Variants in PREX1 observed in about 807,000 individuals in gnomAD.
PREX1 encodes the protein phosphatidylinositol-3,4,5-trisphosphate dependent Rac exchange factor 1.
PREX1 carries 41 observed loss-of-function variants against 198.3 expected under a neutral mutation model. The observed-to-expected ratio is 0.21, with a 90% CI of 0.16 to 0.27. The LOEUF (loss-of-function observed/expected upper bound fraction) is 0.27, where lower values mean the gene tolerates loss of function less well. Ranked by LOEUF, PREX1 falls within the 10% of genes least tolerant of loss-of-function variation. PREX1 has a pLI of 1.00. For missense variants in PREX1, 1,620 were observed against 2,200.7 expected (o/e 0.74, Z 5.28); for synonymous variants, 843 against 887.2 (o/e 0.95, Z 0.89).
intron 1 of PREX1, among the ~76,000 whole-genome samples, chr20:48,810,068 G>A (rs2090427489): frequency 6.6e-6 from 1 of 152,202 alleles, no homozygotes; most frequent in Non-Finnish European, 1.5e-5. Context: ...AGGGAATGCT[G>A]TGCGCGGCTC....
rs551285237 is a variant in PREX1, at chr20:48,741,558, G to T, written c.414+3467C>A. Among the ~76,000 whole-genome samples, 4 of 152,252 alleles carry T rather than the reference G, an allele frequency of 2.6e-5. No homozygotes were observed. The East Asian group carries it at 7.7e-4, about 29-fold the overall frequency. ...GAACTATTTCTGATGCAGAGACAGA[G>T]CAGTGAACATGACAGAGTCCCTGTC... On this transcript the variant is annotated intron_variant, in intron 3 of 39. Coordinates refer to ENST00000371941, the MANE Select transcript of PREX1 (RefSeq NM_020820.4).
Position 48,700,784 on chromosome 20 carries a change from T to G in PREX1, c.886A>C (p.Asn296His). ...IQERAFFLFDNLLVYCKRKSR... is the reference protein window; with the variant it reads ...IQERAFFLFDHLLVYCKRKSR... Reference sequence around the variant, plus strand: ...TTCCGCTTGCAGTAGACGAGAAGGTTGTCGAAGAGGAAGAAGGCCCTTTCC... The same window carrying G: ...TTCCGCTTGCAGTAGACGAGAAGGTGGTCGAAGAGGAAGAAGGCCCTTTCC... Residue 296 changes from asparagine (N) to histidine (H), a missense_variant, in exon 7 of 40, where the codon AAC becomes CAC. Physicochemically the swap from Asn to His is moderately conservative, Grantham distance 68. Coordinates refer to ENST00000371941, the MANE Select transcript of PREX1 (RefSeq NM_020820.4). 6.2e-7 allele frequency: 1 copy of G among 1,613,702 alleles called. No individual in the cohort carries two copies. Among genetic ancestry groups the G allele is most frequent in the South Asian group, 1.1e-5 (1 of 91,056 alleles).
chr20:48,759,377 C>G (rs1474278285), intron 1 of PREX1, among the ~76,000 whole-genome samples: 1 of 151,864 alleles, frequency 6.6e-6, no homozygotes, highest in Non-Finnish European at 1.5e-5. Context: ...TAGTGAAACC[C>G]TGTCTCTACA....
intron 1 of PREX1, among the ~76,000 whole-genome samples, chr20:48,812,227 T>C (rs2090439361): frequency 6.6e-6 from 1 of 151,856 alleles, no homozygotes; most frequent in Non-Finnish European, 1.5e-5. Context: ...GAAAACTACC[T>C]AAATGCCCCA....
At chr20:48,870,976 A>C in the PREX1 span, among the ~76,000 whole-genome samples, 1 of 32,470 alleles carries the variant, frequency 3.1e-5, no homozygotes. Flanking sequence ...AAAAAAAAAA[A>C]AACCATATTT....
chr20:48,641,796 A>C (rs1032975625), intron 29 of PREX1, among the ~76,000 whole-genome samples: 3 of 148,772 alleles, frequency 2.0e-5, no homozygotes, highest in African/African-American at 7.5e-5. Flanking sequence ...TTTCTCCAAA[A>C]AACAAGAAAG....
intron 4 of PREX1, among the ~76,000 whole-genome samples, chr20:48,733,465 G>GTT (rs2090043483): frequency 6.6e-6 from 1 of 152,182 alleles, no homozygotes; most frequent in Admixed American, 6.5e-5. Context: ...ATGGGGAAAG[G>GTT]GAAGTTCTCT....
At chr20:48,753,214 G>A (rs918168402) in intron 1 of PREX1, among the ~76,000 whole-genome samples, 1 of 152,158 alleles carries the variant, frequency 6.6e-6, no homozygotes, top group Non-Finnish European at 1.5e-5. Context: ...TTAGAAGGAT[G>A]ATGAGTTTGC....
chr20:48,654,912 C>T (rs1046434207), intron 19 of PREX1, among the ~76,000 whole-genome samples: 7 of 152,204 alleles, frequency 4.6e-5, no homozygotes, highest in East Asian at 1.9e-4. Context: ...AGAAGTATTG[C>T]GGCAGAGCCC....
intron 3 of PREX1, among the ~76,000 whole-genome samples, chr20:48,744,242 G>C (rs532364327): frequency 6.6e-6 from 1 of 152,108 alleles, no homozygotes; most frequent in African/African-American, 2.4e-5. Context: ...TTGTCCCCTG[G>C]GGGCCAGAAT....
At chr20:48,832,212 T>G (rs548610878), upstream of PREX1, among the ~76,000 whole-genome samples, 3 of 152,110 alleles carry the variant, frequency 2.0e-5, no homozygotes, top group African/African-American at 7.2e-5. Flanking sequence ...TCCGTTGCCA[T>G]GTACTTTGCA....
At chr20:48,790,420 C>T (rs2090333061) in intron 1 of PREX1, among the ~76,000 whole-genome samples, 1 of 152,032 alleles carries the variant, frequency 6.6e-6, no homozygotes, top group Non-Finnish European at 1.5e-5. Flanking sequence ...TCCACTCTCC[C>T]CAGGCTCCAA....
At chr20:48,783,693 C>G (rs2122932754) in intron 1 of PREX1, among the ~76,000 whole-genome samples, 1 of 152,298 alleles carries the variant, frequency 6.6e-6, no homozygotes, top group Middle Eastern at 3.4e-3. Context: ...CAATCATACC[C>G]TGCCTGTCTC....
chr20:48,812,415 T>A (rs895454937), intron 1 of PREX1, among the ~76,000 whole-genome samples: 5 of 149,556 alleles, frequency 3.3e-5, no homozygotes, highest in Non-Finnish European at 7.4e-5. Context: ...GGGTAAATAA[T>A]GTAAGAGGAA....
intron 4 of PREX1, among the ~76,000 whole-genome samples, chr20:48,732,135 A>G (rs1183520839): frequency 6.6e-6 from 1 of 152,250 alleles, no homozygotes; most frequent in African/African-American, 2.4e-5. Context: ...TTTTATGAAT[A>G]TAAGTGCAAA....
chr20:48,676,120 T>A, intron 14 of PREX1, 73 bp downstream of exon 14: 1 of 1,459,374 alleles, frequency 6.9e-7, no homozygotes, highest in South Asian at 1.1e-5. Context: ...AAAAAATCTT[T>A]AAACAAAACA....
intron 1 of PREX1, among the ~76,000 whole-genome samples, chr20:48,751,651 G>A (rs994848419): frequency 6.6e-6 from 1 of 152,184 alleles, no homozygotes; most frequent in Admixed American, 6.5e-5. Flanking sequence ...TCCAAGGCTT[G>A]ACAGCTTTGA....
Position 48,655,380 on chromosome 20 carries a change from AC to A in PREX1, c.2124-6del. 1 of 1,551,378 alleles carries A rather than the reference AC, an allele frequency of 6.4e-7. No individual in the cohort carries two copies. Among genetic ancestry groups the A allele is most frequent in the Non-Finnish European group, 8.8e-7 (1 of 1,141,846 alleles). On this transcript the variant is annotated splice_polypyrimidine_tract_variant and splice_region_variant and intron_variant, in intron 18 of 39. Transcript: ENST00000371941. ...TGGTCGGGGATTTTGATGATCCTGC[AC>A]CAGGTAGAAGAGGCAGGGAAAAAGG...
intron 14 of PREX1, among the ~76,000 whole-genome samples, chr20:48,667,785 T>C (rs577095229): frequency 9.9e-5 from 15 of 152,212 alleles, no homozygotes; most frequent in African/African-American, 3.6e-4. Flanking sequence ...CTCTCCCAGG[T>C]GGGATGTCAT....
Sources: gnomAD v4.1 joint callset for allele counts (sites outside exome capture counted in the v4.1 genomes callset) on GRCh38, gnomAD v4.1.1 for gene constraint, MANE v1.5 for transcripts, NCBI Gene and HGNC (gene_info 2026-07-23, HGNC 2026-07-21) for gene names.